The following RREB1 variants were observed in gnomAD, a reference collection of about 807,000 sequenced individuals.
RREB1 encodes the protein ras responsive element binding protein 1.
Under a neutral mutation model 117.8 loss-of-function variants are expected in RREB1, and 27 were observed. That is an observed-to-expected ratio of 0.23 (90% CI 0.17 to 0.32). RREB1 has a LOEUF of 0.32. Among genes scored for constraint, RREB1 ranks in the 10% least tolerant of loss-of-function variants. The probability of loss-of-function intolerance (pLI) is 1.00; values close to 1 mark genes in which losing one functional copy is unlikely to be tolerated. For synonymous variants in RREB1, 1,298 were observed against 1,026.7 expected (o/e 1.26, Z -5.05); for missense variants, 2,577 against 2,378.2 (o/e 1.08, Z -1.74).
intron 1 of RREB1, among the ~76,000 whole-genome samples, chr6:7,125,999 G>GTTTGTTTA (rs1761892114): frequency 6.6e-6 from 1 of 151,938 alleles, no homozygotes; most frequent in Non-Finnish European, 1.5e-5. Flanking sequence ...TTGTTTGTTT[G>GTTTGTTTA]TTTGTTTGTT....
At chr6:7,171,719 G>A (rs1345264890) in intron 1 of RREB1, among the ~76,000 whole-genome samples, 2 of 152,276 alleles carry the variant, frequency 1.3e-5, no homozygotes, top group South Asian at 2.1e-4. Flanking sequence ...CAACATTAGA[G>A]GTGAGTGTGT....
At chr6:7,137,373 C>T (rs979169037) in intron 1 of RREB1, among the ~76,000 whole-genome samples, 1 of 152,332 alleles carries the variant, frequency 6.6e-6, no homozygotes, top group Non-Finnish European at 1.5e-5. Context: ...CAGTTACTGC[C>T]ATTGTCTCAG....
At chr6:7,174,236 CGCTCTTCAA>C (rs1764388068) in intron 1 of RREB1, among the ~76,000 whole-genome samples, 1 of 147,140 alleles carries the variant, frequency 6.8e-6, no homozygotes, top group Non-Finnish European at 1.5e-5. Flanking sequence ...TGTACTTTTC[CGCTCTTCAA>C]GCTCTGTGAC....
rs1769370477 is a variant in RREB1 at position 7,250,686 on chromosome 6, C to T, written c.*1718C>T. Reference sequence around the variant, plus strand: ...CTCCTCCTTTACATAGACTTGTTCACACAGAAACGTGCACGCCCCCTTTTC... The same window carrying T: ...CTCCTCCTTTACATAGACTTGTTCATACAGAAACGTGCACGCCCCCTTTTC... On this transcript the variant is annotated 3_prime_UTR_variant, in exon 13 of 13. Transcript: ENST00000379938. 1 of 152,134 alleles carries T rather than the reference C, an allele frequency of 6.6e-6. No homozygotes were observed. The highest frequency in any genetic ancestry group is 6.5e-5 in the Admixed American group (1 of 15,270). The allele number at this position is 152,134 out of a possible 1,614,324, so 9.4% of individuals were successfully genotyped here. A position where few individuals can be genotyped will look rare whatever the true frequency, so the allele number is the denominator to read the frequency against.
rs373534650 is a variant in RREB1, at chr6:7,119,369, CGT to C, written c.-285+11312_-285+11313del. On this transcript the variant is annotated intron_variant, in intron 1 of 12. Coordinates refer to ENST00000379938, the MANE Select transcript of RREB1 (RefSeq NM_001003699.4). ...CATCTCAAAAAAAAAGAAAAGGACA[CGT>C]GTTCAGCAACTAAGAAGTCATTTTT... Among the ~76,000 whole-genome samples, 105 of 152,128 alleles carry C rather than the reference CGT, an allele frequency of 6.9e-4. 1 individual carries two copies. The highest frequency in any genetic ancestry group is 2.4e-3 in the African/African-American group (100 of 41,524).
intron 1 of RREB1, among the ~76,000 whole-genome samples, chr6:7,148,746 C>T (rs557683308): frequency 6.6e-6 from 1 of 152,194 alleles, no homozygotes; most frequent in Admixed American, 6.5e-5. Flanking sequence ...TTTCTGAATA[C>T]TTTCCTTCCC....
intron 1 of RREB1, among the ~76,000 whole-genome samples, chr6:7,170,521 G>A (rs1173379155): frequency 6.6e-6 from 1 of 152,034 alleles, no homozygotes; most frequent in Non-Finnish European, 1.5e-5. Flanking sequence ...CCACAGGCTT[G>A]GCAACTGCTG....
chr6:7,177,763 C>G (rs762071499), intron 2 of RREB1, among the ~76,000 whole-genome samples: 3 of 152,124 alleles, frequency 2.0e-5, no homozygotes, highest in Admixed American at 6.6e-5. Flanking sequence ...TGCTCTGTCA[C>G]CCAGGCTGGA....
intron 2 of RREB1, among the ~76,000 whole-genome samples, chr6:7,179,772 TAAAAAC>T (rs1292719367): frequency 1.3e-5 from 2 of 151,840 alleles, no homozygotes; most frequent in South Asian, 2.1e-4. Context: ...CAAAGACAGT[TAAAAAC>T]AGAAAGTTTG....
At chr6:7,169,497 T>G (rs890946042) in intron 1 of RREB1, among the ~76,000 whole-genome samples, 11 of 152,314 alleles carry the variant, frequency 7.2e-5, no homozygotes, top group Admixed American at 2.6e-4. Flanking sequence ...CTGGCTTTTT[T>G]GGGGAAAGGG....
At chr6:7,148,139 A>G (rs575661486) in intron 1 of RREB1, among the ~76,000 whole-genome samples, 61 of 152,252 alleles carry the variant, frequency 4.0e-4, no homozygotes, top group African/African-American at 1.4e-3. Flanking sequence ...AAAGTTTTCA[A>G]AGCCACAAAG....
In RREB1 at chr6:7,250,062, G is replaced by C. The variant is rs1463313617; in HGVS notation, c.*1094G>C. 1 of 152,614 alleles carries C rather than the reference G, an allele frequency of 6.6e-6. No individual in the cohort carries two copies. Among genetic ancestry groups the C allele is most frequent in the Non-Finnish European group, 1.5e-5 (1 of 68,046 alleles). 9.5% of individuals were successfully genotyped at this position (152,614 alleles called of 1,614,324 possible). ...GTCCAGGAGCAGCTCAGAGAGGGTG[G>C]AGTGAGGATGCATGCATCCAGGGAA... On this transcript the variant is annotated 3_prime_UTR_variant, in exon 13 of 13. Coordinates refer to ENST00000379938, the MANE Select transcript of RREB1 (RefSeq NM_001003699.4).
intron 8 of RREB1, among the ~76,000 whole-genome samples, chr6:7,224,259 C>T (rs1334117217): frequency 6.6e-6 from 1 of 152,070 alleles, no homozygotes; most frequent in Non-Finnish European, 1.5e-5. Flanking sequence ...CCCAGATATC[C>T]TATGTTTTAT....
intron 1 of RREB1, among the ~76,000 whole-genome samples, chr6:7,165,101 T>C (rs1763861258): frequency 6.6e-6 from 1 of 152,144 alleles, no homozygotes; most frequent in African/African-American, 2.4e-5. Context: ...GCACAAGGAG[T>C]GCTATCCGTT....
intron 8 of RREB1, among the ~76,000 whole-genome samples, chr6:7,223,338 G>A (rs1767381483): frequency 6.6e-6 from 1 of 150,904 alleles, no homozygotes; most frequent in Non-Finnish European, 1.5e-5. Context: ...GAGGCGGGCA[G>A]ATCAGCTGAG....
chr6:7,189,189 T>G lies in RREB1; in HGVS notation c.292T>G (p.Ser98Ala). The change falls in exon 6 of 13, where the codon TCA becomes GCA. Residue 98 changes from serine to alanine, a missense_variant. By Grantham distance (99) the Ser-to-Ala change is moderately conservative (BLOSUM62 1). Transcript: ENST00000379938. ...HNTDTGGADH[S>A]CSICGKSLSS... ...CACAGACACTGGAGGAGCCGACCAC[T>G]CATGCAGCATCTGCGGAAAGTCACT... is the stretch of plus-strand genomic sequence containing the variant. 8 of 1,613,674 alleles carry G rather than the reference T, an allele frequency of 5.0e-6. No individual in the cohort carries two copies. Among genetic ancestry groups the G allele is most frequent in the Non-Finnish European group, 6.8e-6 (8 of 1,180,002 alleles).
Position 7,229,820 on chromosome 6 carries a change from C to T in RREB1, c.1721C>T (p.Ala574Val), listed in dbSNP as rs752885315. Residue 574 changes from alanine (A) to valine (V), a missense_variant, in exon 10 of 13, where the codon GCC (alanine) becomes GTC (valine). Ala to Val is a moderately conservative substitution (Grantham distance 64). Transcript: ENST00000379938. This position sits in a 1 kb window ranked among gnomAD's most constrained non-coding sequence, Gnocchi z 4.5. The part of the protein sequence containing the change: ...QSKSGTQPHA[A>V]TRLSLQQPRA... ...AAGTCCGGGACCCAGCCCCACGCGG[C>T]CACGCGGCTCTCCCTGCAGCAGCCG... 19 of 1,610,388 alleles carry T rather than the reference C, an allele frequency of 1.2e-5. No homozygotes were observed. The highest frequency in any genetic ancestry group is 1.6e-5 in the Non-Finnish European group (19 of 1,178,564).
chr6:7,236,279 T>C (rs1227689685), intron 10 of RREB1, among the ~76,000 whole-genome samples: 1 of 152,206 alleles, frequency 6.6e-6, no homozygotes, highest in Non-Finnish European at 1.5e-5. Flanking sequence ...CTTGGGACTA[T>C]GGGGTGTCCA....
At chr6:7,177,608 C>T (rs933614857) in intron 2 of RREB1, among the ~76,000 whole-genome samples, 1 of 152,166 alleles carries the variant, frequency 6.6e-6, no homozygotes, top group Non-Finnish European at 1.5e-5. Flanking sequence ...GATCATAGCT[C>T]ACTGCAGCTT....
Sources: allele counts gnomAD v4.1 joint callset (sites outside exome capture counted in the v4.1 genomes callset), GRCh38; gene constraint gnomAD v4.1.1; non-coding constraint Gnocchi (gnomAD v3.1); transcripts MANE v1.5; gene names NCBI Gene and HGNC (gene_info 2026-07-23, HGNC 2026-07-21).